Variants in ZNF304 observed in about 807,000 individuals in gnomAD.
The protein encoded by ZNF304 is KRAB-containing zinc finger protein.
In ZNF304, 7 loss-of-function variants were observed where a neutral mutation model predicts 7.8. The ratio of observed to expected loss-of-function variants is 0.90; its 90% CI spans 0.51 to 1.69. The LOEUF is 1.69. Among genes scored for constraint, ZNF304 ranks in the 40% most tolerant of loss-of-function variants. The pLI is 0.00. For missense variants in ZNF304, 669 were observed against 804.8 expected, an observed-to-expected ratio of 0.83 and a Z score of 2.04; for synonymous variants, 280 against 272.4, an observed-to-expected ratio of 1.03 and a Z score of -0.27.
rs548676574 is a variant in ZNF304 at position 57,354,113 on chromosome 19, A to T, written c.160+262A>T. 4.0e-5 allele frequency among the ~76,000 whole-genome samples: 6 copies of T among 151,502 alleles called. No individual in the cohort carries two copies. In the East Asian group the frequency reaches 1.2e-3, roughly 29 times the overall value. ...AGCCTCAAATTCTTGGGCTCAAGTG[A>T]TCCCCCCCACCTCACCCTCCTGAGT... On this transcript the variant is annotated intron_variant, in intron 2 of 2. Coordinates refer to ENST00000282286, the MANE Select transcript of ZNF304 (RefSeq NM_020657.4).
At position 57,357,089 on chromosome 19, in the gene ZNF304, T is replaced by C. The variant is rs186801815; in HGVS notation, c.1220T>C (p.Ile407Thr). 56 of 1,613,186 alleles carry C rather than the reference T, an allele frequency of 3.5e-5. No homozygotes were observed. In the East Asian group the frequency reaches 8.2e-4, roughly 24 times the overall value. The change falls in exon 3 of 3, where the codon ATT (isoleucine) becomes ACT (threonine). Residue 407 changes from isoleucine to threonine, a missense_variant. Physicochemically the swap from Ile to Thr is moderately conservative, Grantham distance 89 (BLOSUM62 -1). Transcript: ENST00000282286. ...TTCTTTAGCCAAAGCTCCCACCTTA[T>C]TGAGCACTGGAGAATTCATACCGGG... ...GKFFSQSSHL[I>T]EHWRIHTGAR...
rs747359228 is a variant in ZNF304, at chr19:57,356,027, C to G, written c.161-3C>G. Reference sequence around the variant, plus strand: ...CACTTCACCAGCTCTTTTTTGCTTTCAGGTTTTTGGTGTGAAGCAGAACAT... The same window carrying G: ...CACTTCACCAGCTCTTTTTTGCTTTGAGGTTTTTGGTGTGAAGCAGAACAT... On this transcript the variant is annotated splice_polypyrimidine_tract_variant and splice_region_variant and intron_variant, in intron 2 of 2. Transcript: ENST00000282286. 11 of 1,583,338 alleles carry G rather than the reference C, an allele frequency of 6.9e-6. No individual in the cohort carries two copies. Among genetic ancestry groups the G allele is most frequent in the Non-Finnish European group, 9.4e-6 (11 of 1,164,536 alleles).
rs745429196 is a variant in ZNF304, at chr19:57,358,146, G to T, written c.*297G>T. Reference sequence around the variant, plus strand: ...GCCATCTTATTGCTACCAGCTGTGTGTGTCAATCACTCCATTTTGCTCAGG... The same window carrying T: ...GCCATCTTATTGCTACCAGCTGTGTTTGTCAATCACTCCATTTTGCTCAGG... On this transcript the variant is annotated 3_prime_UTR_variant, in exon 3 of 3. Coordinates refer to ENST00000282286, the MANE Select transcript of ZNF304 (RefSeq NM_020657.4). 3.0e-6 allele frequency: 1 copy of T among 327,932 alleles called. No homozygotes were observed. Among genetic ancestry groups the T allele is most frequent in the Middle Eastern group, 8.8e-4 (1 of 1,136 alleles). The allele number at this position is 327,932 out of a possible 1,614,324, so 20.3% of individuals were successfully genotyped here.
rs565909977 is a variant in ZNF304, at chr19:57,351,514, C to T, written c.-151C>T. 4.3e-6 allele frequency: 4 copies of T among 929,754 alleles called. No individual in the cohort carries two copies. The highest frequency in any genetic ancestry group is 3.4e-6 in the Non-Finnish European group (2 of 593,844). The allele number at this position is 929,754 out of a possible 1,614,324, so 57.6% of individuals were successfully genotyped here. A position where few individuals can be genotyped will look rare whatever the true frequency, so the allele number is the denominator to read the frequency against. Reference sequence around the variant, plus strand: ...CACACACGTCCTCTTGTCCTTGTCTCCCCCAGAAGCAGCCGCCTTAGTCTT... The same window carrying T: ...CACACACGTCCTCTTGTCCTTGTCTTCCCCAGAAGCAGCCGCCTTAGTCTT... On this transcript the variant is annotated 5_prime_UTR_variant, in exon 1 of 3. Transcript: ENST00000282286. The surrounding 1 kb of genome is among the most constrained non-coding windows in gnomAD (Gnocchi z 4.1).
intron 2 of ZNF304, among the ~76,000 whole-genome samples, chr19:57,355,731 T>C (rs2088326762): frequency 6.6e-6 from 1 of 152,142 alleles, no homozygotes; most frequent in African/African-American, 2.4e-5. Flanking sequence ...TGCACAGAGC[T>C]CACCTGACAC....
At chr19:57,355,925 C>T in intron 2 of ZNF304, 105 bp from the exon 3 acceptor site, 1 of 1,328,194 alleles carries the variant, frequency 7.5e-7, no homozygotes. Flanking sequence ...CTTGTCCTGC[C>T]AACAAGCCAG....
chr19:57,353,702 C>T (rs200828543), intron 1 of ZNF304, 23 bp from the exon 2 acceptor site: 1 of 1,582,848 alleles, frequency 6.3e-7, no homozygotes, highest in African/African-American at 1.4e-5. Flanking sequence ...TGACTGTGGA[C>T]TCAGCTGTAC....
In ZNF304 at chr19:57,358,130, T is replaced by C. The variant is rs778803689; in HGVS notation, c.*281T>C. On this transcript the variant is annotated 3_prime_UTR_variant, in exon 3 of 3. Coordinates refer to ENST00000282286, the MANE Select transcript of ZNF304 (RefSeq NM_020657.4). ...AGTGCCTGTGGCGGAAGCCATCTTA[T>C]TGCTACCAGCTGTGTGTGTCAATCA... The C allele has an allele frequency of 5.3e-5, 20 of 379,594 alleles. No homozygotes were observed. The highest frequency in any genetic ancestry group is 9.0e-5 in the Non-Finnish European group (19 of 211,016). The allele number at this position is 379,594 out of a possible 1,614,324, so 23.5% of individuals were successfully genotyped here.
In ZNF304 at chr19:57,351,843, G is replaced by A. The variant is rs2088278815; in HGVS notation, c.33+146G>A. ...TCATCAGTGGCATAAGGTGTGGAAC[G>A]GACTCGAAGGCGCAGGGGCAGTTCG... On this transcript the variant is annotated intron_variant, in intron 1 of 2. Coordinates refer to ENST00000282286, the MANE Select transcript of ZNF304 (RefSeq NM_020657.4). The surrounding 1 kb of genome is among the most constrained non-coding windows in gnomAD (Gnocchi z 4.1). 3 of 834,456 alleles carry A rather than the reference G, an allele frequency of 3.6e-6. No homozygotes were observed. The highest frequency in any genetic ancestry group is 3.5e-5 in the African/African-American group (2 of 57,000). 51.7% of individuals were successfully genotyped at this position (834,456 alleles called of 1,614,324 possible). A position where few individuals can be genotyped will look rare whatever the true frequency, so the allele number is the denominator to read the frequency against.
Position 57,351,722 on chromosome 19 carries a change from C to A in ZNF304, c.33+25C>A. 2 of 1,605,950 alleles carry A rather than the reference C, an allele frequency of 1.2e-6. No individual in the cohort carries two copies. The highest frequency in any genetic ancestry group is 1.7e-6 in the Non-Finnish European group (2 of 1,175,716). Reference sequence around the variant, plus strand: ...GGTGAGTGGGGGCATCCCTCAAGCGCACCCCGGCCTGGTTGGTGTGTCCTG... The same window carrying A: ...GGTGAGTGGGGGCATCCCTCAAGCGAACCCCGGCCTGGTTGGTGTGTCCTG... On this transcript the variant is annotated intron_variant, in intron 1 of 2. Transcript: ENST00000282286. This position sits in a 1 kb window ranked among gnomAD's most constrained non-coding sequence, Gnocchi z 4.1.
Position 57,351,452 on chromosome 19 carries a change from G to C in ZNF304, c.-213G>C. On this transcript the variant is annotated 5_prime_UTR_variant, in exon 1 of 3. Coordinates refer to ENST00000282286, the MANE Select transcript of ZNF304 (RefSeq NM_020657.4). This position sits in a 1 kb window ranked among gnomAD's most constrained non-coding sequence, Gnocchi z 4.1. ...GTCGTGGGACGGGCGGCCTCTCGCG[G>C]AGGTGTCTGCCGGGGCTGGGCTCTT... The C allele has an allele frequency of 1.7e-6, 1 of 596,432 alleles. No homozygotes were observed. The highest frequency in any genetic ancestry group is 3.0e-6 in the Non-Finnish European group (1 of 337,286). 36.9% of individuals were successfully genotyped at this position (596,432 alleles called of 1,614,324 possible). A position where few individuals can be genotyped will look rare whatever the true frequency, so the allele number is the denominator to read the frequency against.
Position 57,357,802 on chromosome 19 carries a change from T to G in ZNF304, c.1933T>G (p.Cys645Gly). The G allele has an allele frequency of 6.2e-7, 1 of 1,611,084 alleles. No individual in the cohort carries two copies. ...TCACACTGGAGAAAGAGCTCACGAG[T>G]GCAACAGTTTTGGTGGCCCTTTAGC... is the stretch of plus-strand genomic sequence containing the variant. ...KAHTGERAHE[C>G]NSFGGPLAAS... is the part of the protein sequence containing the mutation. Residue 645 changes from cysteine (C) to glycine (G), a missense_variant, in exon 3 of 3, where the codon TGC becomes GGC. Coordinates refer to ENST00000282286, the MANE Select transcript of ZNF304 (RefSeq NM_020657.4).
At position 57,353,815 on chromosome 19, in the gene ZNF304, G is replaced by A. The variant is rs1217100062; in HGVS notation, c.124G>A (p.Val42Met). ...GGCACAGAGATTCCTGTACCGTGAT[G>A]TGATGCTGGAGAACTTTGCACTTGT... ...EEAQRFLYRDVMLENFALVAT... is the reference protein window; with the variant it reads ...EEAQRFLYRDMMLENFALVAT... Residue 42 changes from valine (V) to methionine (M), a missense_variant, in exon 2 of 3, where the codon GTG (valine) becomes ATG (methionine). Val to Met is a conservative substitution (Grantham distance 21, BLOSUM62 1). Coordinates refer to ENST00000282286, the MANE Select transcript of ZNF304 (RefSeq NM_020657.4). 1 of 1,612,306 alleles carries A rather than the reference G, an allele frequency of 6.2e-7. No individual in the cohort carries two copies. Among genetic ancestry groups the A allele is most frequent in the Non-Finnish European group, 8.5e-7 (1 of 1,179,168 alleles).
At position 57,358,246 on chromosome 19, in the gene ZNF304, C is replaced by G. The variant is rs780236398; in HGVS notation, c.*397C>G. 1,053 of 144,358 alleles carry G rather than the reference C, an allele frequency of 7.3e-3. 2 individuals carry two copies. The highest frequency in any genetic ancestry group is 0.011 in the Non-Finnish European group (731 of 67,900). The allele number at this position is 144,358 out of a possible 1,614,324, so 8.9% of individuals were successfully genotyped here. On this transcript the variant is annotated 3_prime_UTR_variant, in exon 3 of 3. Transcript: ENST00000282286. ...ATATTTTCAAGGACTTCCCCCCCCC[C>G]CCACTTCACCCCCTACCATTGAGGG...
intron 1 of ZNF304, chr19:57,352,068 T>C (rs1264996226): frequency 4.2e-6 from 1 of 238,532 alleles, no homozygotes; most frequent in Non-Finnish European, 8.2e-6. Context: ...CTTAAAAGGC[T>C]CCCTCTGGCT....
chr19:57,356,831 C>T lies in ZNF304; in HGVS notation c.962C>T (p.Thr321Ile), dbSNP rs1159550472. 46 of 1,614,082 alleles carry T rather than the reference C, an allele frequency of 2.8e-5. No individual in the cohort carries two copies. The highest frequency in any genetic ancestry group is 3.5e-5 in the Non-Finnish European group (41 of 1,180,000). Residue 321 changes from threonine to isoleucine, a missense_variant, in exon 3 of 3, where the codon ACA becomes ATA. Transcript: ENST00000282286. ...GGGAAGGCCTTCAGCCGCAAGGACACACTTGTTCAGCATCAGAGAGTTCAC... is the reference window on the plus strand; with the variant it reads ...GGGAAGGCCTTCAGCCGCAAGGACATACTTGTTCAGCATCAGAGAGTTCAC... ...ECGKAFSRKD[T>I]LVQHQRVHTG...
In ZNF304 at chr19:57,359,447, A is replaced by G. The variant is rs1326462715; in HGVS notation, c.*1598A>G. 6.6e-6 allele frequency: 1 copy of G among 152,254 alleles called. No individual in the cohort carries two copies. The highest frequency in any genetic ancestry group is 1.5e-5 in the Non-Finnish European group (1 of 68,050). The allele number at this position is 152,254 out of a possible 1,614,324, so 9.4% of individuals were successfully genotyped here. ...TGAGGAACATTTATTTAATAGCTTTATGGAGGTATGATTAACATGCAATAA... is the reference window on the plus strand; with the variant it reads ...TGAGGAACATTTATTTAATAGCTTTGTGGAGGTATGATTAACATGCAATAA... On this transcript the variant is annotated 3_prime_UTR_variant, in exon 3 of 3. Transcript: ENST00000282286.
chr19:57,358,420 C>G lies in ZNF304; in HGVS notation c.*571C>G, dbSNP rs2088379341. The G allele has an allele frequency of 6.5e-6, 1 of 153,046 alleles. No individual in the cohort carries two copies. Among genetic ancestry groups the G allele is most frequent in the Non-Finnish European group, 1.5e-5 (1 of 68,738 alleles). The allele number at this position is 153,046 out of a possible 1,614,324, so 9.5% of individuals were successfully genotyped here. A position where few individuals can be genotyped will look rare whatever the true frequency, so the allele number is the denominator to read the frequency against. Reference sequence around the variant, plus strand: ...CTGTAAACGTGATAGCTGTGACTTACTTGTCTTACTGCCAAATCGCCCAAA... The same window carrying G: ...CTGTAAACGTGATAGCTGTGACTTAGTTGTCTTACTGCCAAATCGCCCAAA... On this transcript the variant is annotated 3_prime_UTR_variant, in exon 3 of 3. Coordinates refer to ENST00000282286, the MANE Select transcript of ZNF304 (RefSeq NM_020657.4).
chr19:57,352,791 A>T (rs1202978980), intron 1 of ZNF304: 1 of 152,238 alleles, frequency 6.6e-6, no homozygotes, highest in African/African-American at 2.4e-5. Context: ...GGATTTTTTG[A>T]TGCGAAAGGT....
Sources: allele counts gnomAD v4.1 joint callset (sites outside exome capture counted in the v4.1 genomes callset), GRCh38; gene constraint gnomAD v4.1.1; non-coding constraint Gnocchi (gnomAD v3.1); transcripts MANE v1.5; gene names NCBI Gene and HGNC (gene_info 2026-07-23, HGNC 2026-07-21).